COL27A1: variants seen among roughly 807,000 people sequenced by gnomAD.
COL27A1 encodes the protein collagen alpha-1(XXVII) chain.
In COL27A1, 106 loss-of-function variants were observed where a neutral mutation model predicts 251.3. That is an observed-to-expected ratio of 0.42 (90% CI 0.36 to 0.50). The LOEUF (loss-of-function observed/expected upper bound fraction) is 0.50, where lower values mean the gene tolerates loss of function less well. Among genes scored for constraint, COL27A1 ranks in the 20% least tolerant of loss-of-function variants. COL27A1 has a pLI of 0.00. For synonymous variants in COL27A1, 1,000 were observed against 986.3 expected, an observed-to-expected ratio of 1.01 and a Z score of -0.26; for missense variants, 2,325 against 2,522.8, an observed-to-expected ratio of 0.92 and a Z score of 1.68.
intron 58 of COL27A1, chr9:114,306,988 C>T (rs1374845870): frequency 5.7e-6 from 2 of 348,568 alleles, no homozygotes; most frequent in South Asian, 3.2e-5. Context: ...AGGATTTTCC[C>T]CCTTTCTGAG....
At chr9:114,300,839 T>A (rs1828568374) in intron 51 of COL27A1, 152 bp downstream of exon 51, 1 of 751,830 alleles carries the variant, frequency 1.3e-6, no homozygotes, top group Non-Finnish European at 2.1e-6. Context: ...CTCCTGCCGT[T>A]CCCACCAGCT....
chr9:114,157,194 AGTG>A (rs1302922447), intron 1 of COL27A1, among the ~76,000 whole-genome samples: 1 of 152,124 alleles, frequency 6.6e-6, no homozygotes, highest in African/African-American at 2.4e-5. Flanking sequence ...TGGGCAGAAA[AGTG>A]GTGCCAGGCG....
At chr9:114,276,948 G>C (rs1172556126) in intron 37 of COL27A1, among the ~76,000 whole-genome samples, 1 of 152,226 alleles carries the variant, frequency 6.6e-6, no homozygotes, top group Admixed American at 6.5e-5. Context: ...GAAAATCGGA[G>C]AGGTAAAGGA....
At chr9:114,217,114 T>A (rs1830762756) in intron 12 of COL27A1, among the ~76,000 whole-genome samples, 1 of 152,186 alleles carries the variant, frequency 6.6e-6, no homozygotes, top group African/African-American at 2.4e-5. Context: ...CTGTTGGGGT[T>A]TACTGTTGCT....
chr9:114,262,938 A>AT (rs386415960), intron 28 of COL27A1, among the ~76,000 whole-genome samples: 16,202 of 126,580 alleles, frequency 0.13, 1,632 homozygotes, highest in East Asian at 0.36. Flanking sequence ...TCCTTGTTTG[A>AT]TTTTTTTTTT....
intron 12 of COL27A1, among the ~76,000 whole-genome samples, chr9:114,218,956 T>G (rs1340309518): frequency 1.3e-5 from 2 of 151,890 alleles, no homozygotes; most frequent in African/African-American, 4.8e-5. Context: ...GCTTTGTTTT[T>G]TTTTTTTTTT....
At chr9:114,248,168 AACTCTCCG>A (rs1833274163) in intron 24 of COL27A1, among the ~76,000 whole-genome samples, 1 of 152,050 alleles carries the variant, frequency 6.6e-6, no homozygotes, top group Non-Finnish European at 1.5e-5. Flanking sequence ...GAGGGCTGAA[AACTCTCCG>A]ACCTCCTGAG....
chr9:114,245,736 A>G, intron 23 of COL27A1, 130 bp from the exon 24 acceptor site: 1 of 859,058 alleles, frequency 1.2e-6, no homozygotes, highest in Non-Finnish European at 2.0e-6. Context: ...CTCCAAGGCC[A>G]CACACTGGAG....
intron 57 of COL27A1, 148 bp from the exon 58 acceptor site, chr9:114,306,371 CA>C: frequency 1.4e-6 from 1 of 719,818 alleles, no homozygotes; most frequent in Non-Finnish European, 2.2e-6. Context: ...TTCTTGTCTG[CA>C]AAATAAAGAG....
At chr9:114,228,925 G>A (rs1318301184) in intron 14 of COL27A1, among the ~76,000 whole-genome samples, 1 of 152,020 alleles carries the variant, frequency 6.6e-6, no homozygotes, top group Non-Finnish European at 1.5e-5. Flanking sequence ...GGGCTCAAGG[G>A]ATCCACCTGC....
intron 7 of COL27A1, among the ~76,000 whole-genome samples, chr9:114,198,909 T>C (rs921219153): frequency 1.3e-5 from 2 of 152,104 alleles, no homozygotes; most frequent in Non-Finnish European, 2.9e-5. Context: ...TTGGGAGGAT[T>C]AAATGAGATG....
chr9:114,184,910 A>C (rs984005479), intron 5 of COL27A1, among the ~76,000 whole-genome samples: 5 of 152,116 alleles, frequency 3.3e-5, no homozygotes, highest in African/African-American at 1.2e-4. Flanking sequence ...AGCTGTTTTG[A>C]ATGGCCAGGC....
intron 40 of COL27A1, 138 bp from the exon 41 acceptor site, chr9:114,284,586 G>C (rs1827328787): frequency 2.4e-6 from 2 of 828,200 alleles, no homozygotes; most frequent in Admixed American, 3.8e-5. Flanking sequence ...GACAGGCACA[G>C]ACTTACTCAG....
intron 1 of COL27A1, among the ~76,000 whole-genome samples, chr9:114,158,273 C>T (rs1024331554): frequency 2.0e-5 from 3 of 152,212 alleles, no homozygotes; most frequent in Admixed American, 6.5e-5. Context: ...TCAGAGCCCT[C>T]AGTGACTGTT....
At chr9:114,191,657 A>G (rs1165848492) in intron 5 of COL27A1, among the ~76,000 whole-genome samples, 1 of 152,214 alleles carries the variant, frequency 6.6e-6, no homozygotes, top group East Asian at 1.9e-4. Context: ...TTCTTTATCC[A>G]GTCTATCACT....
chr9:114,300,947 T>C (rs2131662430), intron 51 of COL27A1, 125 bp from the exon 52 acceptor site: 3 of 970,828 alleles, frequency 3.1e-6, no homozygotes, highest in Middle Eastern at 4.7e-4. Flanking sequence ...ATGCATGGCC[T>C]GGGCCCGCTT....
At chr9:114,267,691 G>A (rs1834840849) in intron 34 of COL27A1, 134 bp downstream of exon 34, 1 of 851,472 alleles carries the variant, frequency 1.2e-6, no homozygotes, top group Non-Finnish European at 1.8e-6. Context: ...CCTGGCTGGG[G>A]AGTGGGGCCT....
chr9:114,161,475 C>T (rs544018276), intron 1 of COL27A1, among the ~76,000 whole-genome samples: 83 of 152,234 alleles, frequency 5.5e-4, no homozygotes, highest in Admixed American at 9.8e-4. Context: ...TTCACCATGC[C>T]CACAGTGACA....
At chr9:114,222,402 T>G (rs1464356996) in intron 14 of COL27A1, 135 bp downstream of exon 14, 4 of 367,366 alleles carry the variant, frequency 1.1e-5, no homozygotes, top group East Asian at 2.1e-4. Flanking sequence ...CCAGAGGGGC[T>G]GGGGGGCCAG....
Sources: allele counts gnomAD v4.1 joint callset (sites outside exome capture counted in the v4.1 genomes callset), GRCh38; gene constraint gnomAD v4.1.1; transcripts MANE v1.5; gene names NCBI Gene and HGNC (gene_info 2026-07-23, HGNC 2026-07-21).